The following OR51B5 variants were observed in gnomAD, a reference collection of about 807,000 sequenced individuals.
OR51B5 encodes the protein olfactory receptor family 51 subfamily B member 5.
For missense variants in OR51B5, 456 were observed against 374.6 expected (o/e 1.22, Z -1.79); for synonymous variants, 186 against 144.8 (o/e 1.28, Z -2.04).
At chr11:5,486,925 A>C (rs999696992) in intron 1 of OR51B5, among the ~76,000 whole-genome samples, 8 of 152,204 alleles carry the variant, frequency 5.3e-5, no homozygotes, top group Non-Finnish European at 1.0e-4. Flanking sequence ...AAAAATCTCA[A>C]TGCAAATAAA....
intron 1 of OR51B5, among the ~76,000 whole-genome samples, chr11:5,461,122 G>A (rs188056112): frequency 2.2e-3 from 336 of 151,994 alleles, no homozygotes; most frequent in African/African-American, 7.8e-3. Context: ...GTGCACAAGC[G>A]GATCACCCAC....
chr11:5,401,791 C>A (rs1416550996), intron 1 of OR51B5, among the ~76,000 whole-genome samples: 1 of 148,676 alleles, frequency 6.7e-6, no homozygotes, highest in Non-Finnish European at 1.5e-5. Context: ...TGCACTACAC[C>A]TTAAATGCAT....
chr11:5,369,977 T>C (rs1849425166), intron 1 of OR51B5, among the ~76,000 whole-genome samples: 2 of 152,056 alleles, frequency 1.3e-5, no homozygotes, highest in Non-Finnish European at 2.9e-5. Context: ...AAAGAGGCTT[T>C]GGTATTCTGT....
Position 5,393,939 on chromosome 11 carries a change from T to G in OR51B5, n.85-47029A>C, listed in dbSNP as rs1293730673. 4.6e-5 allele frequency among the ~76,000 whole-genome samples: 7 copies of G among 152,322 alleles called. No individual in the cohort carries two copies. In the East Asian group the frequency reaches 1.3e-3, roughly 29 times the overall value. ...CAGGGCCATGTTTTCCATGTTATACTGAAGGAAGTCCCATCATTGGCTTCT... is the reference window on the plus strand; with the variant it reads ...CAGGGCCATGTTTTCCATGTTATACGGAAGGAAGTCCCATCATTGGCTTCT... On this transcript the variant is annotated intron_variant and non_coding_transcript_variant, in intron 1 of 4. Coordinates refer to the OR51B5 transcript ENST00000415970.
chr11:5,414,306 C>G lies in OR51B5; in HGVS notation n.85-67396G>C, dbSNP rs61894081. ...AGCACTAAACATGGAAAGGAACAAC[C>G]GGTACCAGCCACTGCAAAATCATGC... On this transcript the variant is annotated intron_variant and non_coding_transcript_variant, in intron 1 of 4. Transcript: ENST00000415970. 0.039 allele frequency among the ~76,000 whole-genome samples: 5,822 copies of G among 147,608 alleles called. 492 individuals carry two copies. In the East Asian group the frequency reaches 0.4, roughly 10 times the overall value.
At chr11:5,472,755 A>G (rs1036038064) in intron 1 of OR51B5, among the ~76,000 whole-genome samples, 4 of 152,214 alleles carry the variant, frequency 2.6e-5, no homozygotes, top group African/African-American at 9.6e-5. Context: ...CAGTAAGCCA[A>G]TAACAGAGCT....
At chr11:5,430,494 T>C (rs1454725132) in intron 1 of OR51B5, among the ~76,000 whole-genome samples, 6 of 152,180 alleles carry the variant, frequency 3.9e-5, no homozygotes, top group African/African-American at 1.4e-4. Flanking sequence ...ATGGAAAGGG[T>C]TAGGAATAAC....
intron 1 of OR51B5, among the ~76,000 whole-genome samples, chr11:5,382,624 C>T (rs907671893): frequency 6.6e-6 from 1 of 152,102 alleles, no homozygotes; most frequent in Non-Finnish European, 1.5e-5. Context: ...GGTAGTGGTG[C>T]CCTCTCCTAC....
intron 1 of OR51B5, among the ~76,000 whole-genome samples, chr11:5,373,648 G>A (rs1849477228): frequency 6.6e-6 from 1 of 152,190 alleles, no homozygotes; most frequent in Non-Finnish European, 1.5e-5. Context: ...TTTCTGACAG[G>A]CTTAGGAAAT....
intron 1 of OR51B5, among the ~76,000 whole-genome samples, chr11:5,483,358 G>A (rs1260239125): frequency 1.8e-5 from 2 of 110,010 alleles, no homozygotes; most frequent in Admixed American, 1.0e-4. Flanking sequence ...GGACTGTGAT[G>A]GGGTGGGGGG....
At position 5,463,339 on chromosome 11, in the gene OR51B5, T is replaced by C. The variant is rs531701932; in HGVS notation, n.84+42230A>G. ...ACAGATTTCTGGAGGCATGTGTAACTTATCCAAGGCATTGGTGTGTGATAG... is the reference window on the plus strand; with the variant it reads ...ACAGATTTCTGGAGGCATGTGTAACCTATCCAAGGCATTGGTGTGTGATAG... On this transcript the variant is annotated intron_variant and non_coding_transcript_variant, in intron 1 of 4. Transcript: ENST00000415970. Among the ~76,000 whole-genome samples the C allele has an allele frequency of 3.3e-5, 5 of 152,336 alleles. No individual in the cohort carries two copies. The South Asian group carries it at 1.0e-3, about 32-fold the overall frequency.
intron 1 of OR51B5, among the ~76,000 whole-genome samples, chr11:5,401,859 T>C (rs80247338): frequency 0.75 from 112,334 of 148,958 alleles, 44,089 homozygotes; most frequent in Non-Finnish European, 0.87. Flanking sequence ...TCTTCTGCTT[T>C]TTCTTTTTCC....
chr11:5,346,576 G>C (rs1485710479), upstream of OR51B5, among the ~76,000 whole-genome samples: 1 of 152,124 alleles, frequency 6.6e-6, no homozygotes, highest in Non-Finnish European at 1.5e-5. Flanking sequence ...CTTTTAGAAA[G>C]GAAAGAAGAC....
chr11:5,366,329 T>A (rs1339824858), intron 1 of OR51B5, among the ~76,000 whole-genome samples: 3 of 152,086 alleles, frequency 2.0e-5, no homozygotes, highest in Non-Finnish European at 4.4e-5. Flanking sequence ...AAGAAAAGGC[T>A]ACATTACAGA....
intron 1 of OR51B5, among the ~76,000 whole-genome samples, chr11:5,494,772 G>A (rs1333042094): frequency 6.6e-6 from 1 of 152,044 alleles, no homozygotes; most frequent in African/African-American, 2.4e-5. Flanking sequence ...ATAAAGTATA[G>A]GCCAAAATGC....
At chr11:5,488,430 A>C (rs992275846) in intron 1 of OR51B5, among the ~76,000 whole-genome samples, 1 of 152,186 alleles carries the variant, frequency 6.6e-6, no homozygotes, top group African/African-American at 2.4e-5. Context: ...AAGTCTGGAA[A>C]GGTCAGTTTG....
At chr11:5,474,452 T>C (rs1261220820) in intron 1 of OR51B5, among the ~76,000 whole-genome samples, 4 of 151,786 alleles carry the variant, frequency 2.6e-5, no homozygotes, top group Non-Finnish European at 5.9e-5. Context: ...CTAAGTACCA[T>C]GATTTAATGA....
chr11:5,454,201 T>TAA, intron 1 of OR51B5: 9 of 1,613,956 alleles, frequency 5.6e-6, no homozygotes, highest in Non-Finnish European at 6.8e-6. Flanking sequence ...CTCAAAGCTC[T>TAA]CAACACATGT....
chr11:5,399,416 A>G (rs1353629622), intron 1 of OR51B5, among the ~76,000 whole-genome samples: 1 of 152,226 alleles, frequency 6.6e-6, no homozygotes, highest in Admixed American at 6.5e-5. Context: ...AAATATTTAG[A>G]GCCAGTCCCT....
Sources: allele counts gnomAD v4.1 joint callset (sites outside exome capture counted in the v4.1 genomes callset), GRCh38; gene constraint gnomAD v4.1.1; transcripts MANE v1.5; gene names NCBI Gene and HGNC (gene_info 2026-07-23, HGNC 2026-07-21).